Variants in ZNF106 observed in about 807,000 individuals in gnomAD.
The protein encoded by ZNF106 is SH3-domain binding protein 3.
Under a neutral mutation model 195.1 loss-of-function variants are expected in ZNF106, and 67 were observed. The observed-to-expected ratio is 0.34, with a 90% CI of 0.28 to 0.42. The LOEUF is 0.42. Ranked by LOEUF, ZNF106 falls within the 10% of genes least tolerant of loss-of-function variation. The pLI is 1.00. For missense variants in ZNF106, 2,118 were observed against 2,304.5 expected, an observed-to-expected ratio of 0.92 and a Z score of 1.66; for synonymous variants, 784 against 818.6, an observed-to-expected ratio of 0.96 and a Z score of 0.72.
At chr15:42,432,228 A>AG (rs2141290770) in intron 14 of ZNF106, among the ~76,000 whole-genome samples, 1 of 152,090 alleles carries the variant, frequency 6.6e-6, no homozygotes, top group African/African-American at 2.4e-5. Flanking sequence ...GCATTGTCAT[A>AG]GCTCACTATA....
At chr15:42,456,893 T>C in intron 4 of ZNF106, 65 bp downstream of exon 4, 5 of 1,448,420 alleles carry the variant, frequency 3.5e-6, no homozygotes, top group Non-Finnish European at 4.7e-6. Context: ...AGTACAAAGA[T>C]ATAAAATATA....
intron 14 of ZNF106, among the ~76,000 whole-genome samples, chr15:42,429,778 A>C (rs891765180): frequency 6.6e-6 from 1 of 152,052 alleles, no homozygotes; most frequent in African/African-American, 2.4e-5. Context: ...TTATAGGGGA[A>C]ATTGAACATT....
chr15:42,445,087 TCTC>T lies in ZNF106; in HGVS notation c.3206-109_3206-107del, dbSNP rs2055719323. On this transcript the variant is annotated intron_variant, in intron 7 of 21. Transcript: ENST00000564754. ...CATTATTTAGGATAAGACTTTATGTTCTCCTCAGTAGGTCATTGGAAATTCATA... is the reference window on the plus strand; with the variant it reads ...CATTATTTAGGATAAGACTTTATGTTCTCAGTAGGTCATTGGAAATTCATA... 1.1e-5 allele frequency: 14 copies of T among 1,319,806 alleles called. No homozygotes were observed. The South Asian group carries it at 1.7e-4, about 16-fold the overall frequency. 81.8% of individuals were successfully genotyped at this position (1,319,806 alleles called of 1,614,324 possible).
chr15:42,437,341 G>A lies in ZNF106; in HGVS notation c.4637C>T (p.Thr1546Ile). 1.9e-6 allele frequency: 3 copies of A among 1,614,082 alleles called. No homozygotes were observed. Among genetic ancestry groups the A allele is most frequent in the Non-Finnish European group, 2.5e-6 (3 of 1,180,038 alleles). ...TTGGTGTCCCTCAAAGCTTCCTTCT[G>A]TGGGTTCATCATCATCTCCTGGCTC... ...SSEPGDDDEPTEGSFEGHQAA... is the reference protein window; with the variant it reads ...SSEPGDDDEPIEGSFEGHQAA... The change falls in exon 13 of 22, where the codon ACA becomes ATA. Residue 1546 changes from threonine to isoleucine, a missense_variant. Physicochemically the swap from Thr to Ile is moderately conservative, Grantham distance 89. Coordinates refer to ENST00000564754, the MANE Select transcript of ZNF106 (RefSeq NM_001366845.3).
chr15:42,417,682 T>C (rs1449760936), intron 21 of ZNF106, 123 bp downstream of exon 21: 1 of 1,213,670 alleles, frequency 8.2e-7, no homozygotes, highest in African/African-American at 1.5e-5. Flanking sequence ...CTCTGAATCA[T>C]AAAAATAAAA....
intron 3 of ZNF106, among the ~76,000 whole-genome samples, chr15:42,458,691 G>A (rs2056308577): frequency 6.6e-6 from 1 of 150,732 alleles, no homozygotes; most frequent in African/African-American, 2.4e-5. Flanking sequence ...CTGGGTGATA[G>A]AGCCAGACTC....
Position 42,450,597 on chromosome 15 carries a change from G to A in ZNF106, c.1675C>T (p.Arg559Ter). 1.9e-6 allele frequency: 3 copies of A among 1,614,086 alleles called. No individual in the cohort carries two copies. Among genetic ancestry groups the A allele is most frequent in the East Asian group, 2.2e-5 (1 of 44,882 alleles). ...CACTGTAGCACCTCTTTGGCCTTTC[G>A]TAAAGTATCATTTAAATTATCACCA... ...QSGDNLNDTL[R>*]KAKEVLQCHE... The change falls in exon 5 of 22, where the codon CGA becomes TGA. Residue 559 changes from arginine (R) to a stop codon, truncating the protein, a stop_gained. Transcript: ENST00000564754. LOFTEE classifies it high-confidence loss of function.
chr15:42,487,816 C>A (rs1040413339), intron 1 of ZNF106, among the ~76,000 whole-genome samples: 1 of 152,148 alleles, frequency 6.6e-6, no homozygotes, highest in African/African-American at 2.4e-5. Flanking sequence ...CCCCTAGCAA[C>A]CACCATTCTA....
chr15:42,442,714 T>C (rs1250815761), intron 9 of ZNF106, among the ~76,000 whole-genome samples: 1 of 149,692 alleles, frequency 6.7e-6, no homozygotes, highest in African/African-American at 2.5e-5. Flanking sequence ...CCTCCTGGAC[T>C]CAAGCAATTC....
In ZNF106 at chr15:42,437,374, A is replaced by G; in HGVS notation, c.4604T>C (p.Ile1535Thr). Residue 1535 changes from isoleucine to threonine, a missense_variant, in exon 13 of 22, where the codon ATA becomes ACA. Coordinates refer to ENST00000564754, the MANE Select transcript of ZNF106 (RefSeq NM_001366845.3). ...ATCATCATCTCCTGGCTCTGAAGATATTTCTGGAAAACAAGAATAGGTTTC... is the reference window on the plus strand; with the variant it reads ...ATCATCATCTCCTGGCTCTGAAGATGTTTCTGGAAAACAAGAATAGGTTTC... The part of the protein sequence containing the change: ...SIKGSKNSSE[I>T]SSEPGDDDEP... 1 of 1,612,302 alleles carries G rather than the reference A, an allele frequency of 6.2e-7. No individual in the cohort carries two copies. Among genetic ancestry groups the G allele is most frequent in the Non-Finnish European group, 8.5e-7 (1 of 1,179,618 alleles).
intron 14 of ZNF106, among the ~76,000 whole-genome samples, chr15:42,432,998 T>C (rs1231661631): frequency 3.3e-5 from 5 of 152,222 alleles, no homozygotes; most frequent in African/African-American, 1.2e-4. Flanking sequence ...ATATAATTAT[T>C]AAATATGGGT....
At chr15:42,426,545 G>A (rs115628490) in intron 15 of ZNF106, among the ~76,000 whole-genome samples, 3,669 of 149,790 alleles carry the variant, frequency 0.024, 151 homozygotes, top group African/African-American at 0.086. Context: ...GACTCCAGGC[G>A]TGTGCTACCA....
intron 20 of ZNF106, among the ~76,000 whole-genome samples, chr15:42,419,489 T>A (rs913950481): frequency 1.3e-5 from 2 of 151,512 alleles, no homozygotes; most frequent in African/African-American, 4.9e-5. Context: ...CTGCAGTGAC[T>A]GTTGTGACCA....
At chr15:42,418,532 ATTTTTT>A (rs1162999546) in intron 20 of ZNF106, among the ~76,000 whole-genome samples, 5,977 of 96,240 alleles carry the variant, frequency 0.062, 520 homozygotes, top group African/African-American at 0.23. Context: ...CGGCCAGTTA[ATTTTTT>A]TTTTTTTTTT....
rs1398257711 is a variant in ZNF106 at position 42,413,087 on chromosome 15, CT to C, written c.*4216del. On this transcript the variant is annotated 3_prime_UTR_variant, in exon 22 of 22. Transcript: ENST00000564754. ...TCAACAGCTTTTCCTCCTTGACCCC[CT>C]CCTTTCCCAATTTATTTGGGTCACT... The C allele has an allele frequency of 6.6e-6, 1 of 152,182 alleles. No individual in the cohort carries two copies. Among genetic ancestry groups the C allele is most frequent in the Non-Finnish European group, 1.5e-5 (1 of 68,020 alleles). 9.4% of individuals were successfully genotyped at this position (152,182 alleles called of 1,614,324 possible).
rs1179779914 is a variant in ZNF106, at chr15:42,415,449, G to A, written c.*1855C>T. The A allele has an allele frequency of 4.4e-6, 2 of 453,184 alleles. No individual in the cohort carries two copies. The highest frequency in any genetic ancestry group is 8.9e-6 in the Non-Finnish European group (2 of 225,832). 28.1% of individuals were successfully genotyped at this position (453,184 alleles called of 1,614,324 possible). On this transcript the variant is annotated 3_prime_UTR_variant, in exon 22 of 22. Coordinates refer to ENST00000564754, the MANE Select transcript of ZNF106 (RefSeq NM_001366845.3). ...CTAGATTAATTCTTGACATTTTTTG[G>A]ATCAAGTAAGAACCACTGGAGCCTT...
chr15:42,480,517 G>A lies in ZNF106; in HGVS notation c.-32-8196C>T, dbSNP rs149544356. Among the ~76,000 whole-genome samples, 811 of 152,080 alleles carry A rather than the reference G, an allele frequency of 5.3e-3. 2 individuals are homozygous for A. The highest frequency in any genetic ancestry group is 7.1e-3 in the Non-Finnish European group (486 of 67,990). The stretch of plus-strand genomic sequence containing the variant: ...TAGATCTACTATTTTATTATTTATA[G>A]CTCCTCTATTTTTGTTCAGTTATAC... On this transcript the variant is annotated intron_variant, in intron 1 of 21. Transcript: ENST00000564754.
chr15:42,466,652 T>C (rs958932558), intron 2 of ZNF106, among the ~76,000 whole-genome samples: 5 of 152,236 alleles, frequency 3.3e-5, no homozygotes, highest in Admixed American at 1.3e-4. Context: ...AGCCTCTCTA[T>C]GCTAGATAAG....
chr15:42,491,085 C>A lies in ZNF106; in HGVS notation c.-138G>T. ...CAGTTTTGGGTCCGGGAGCCTGCTC[C>A]GGACCCGCTCCCCGCCGGGCCCCGC... On this transcript the variant is annotated 5_prime_UTR_variant, in exon 1 of 22. Coordinates refer to ENST00000564754, the MANE Select transcript of ZNF106 (RefSeq NM_001366845.3). 6.6e-6 allele frequency: 1 copy of A among 152,286 alleles called. No homozygotes were observed. Among genetic ancestry groups the A allele is most frequent in the South Asian group, 2.1e-4 (1 of 4,826 alleles). 9.4% of individuals were successfully genotyped at this position (152,286 alleles called of 1,614,324 possible). A position where few individuals can be genotyped will look rare whatever the true frequency, so the allele number is the denominator to read the frequency against.
Sources: allele counts gnomAD v4.1 joint callset (sites outside exome capture counted in the v4.1 genomes callset), GRCh38; gene constraint gnomAD v4.1.1; transcripts MANE v1.5; gene names NCBI Gene and HGNC (gene_info 2026-07-23, HGNC 2026-07-21).